Variants in MACROD2 observed in about 807,000 individuals in gnomAD.
MACROD2 encodes the protein ADP-ribose glycohydrolase MACROD2.
In MACROD2, 36 loss-of-function variants were observed where a neutral mutation model predicts 70.4. The ratio of observed to expected loss-of-function variants is 0.51; its 90% confidence interval spans 0.39 to 0.68. The LOEUF (loss-of-function observed/expected upper bound fraction) is 0.68. MACROD2 is among the 30% of genes least tolerant of loss of function. The probability of loss-of-function intolerance (pLI) is 0.00; values close to 1 mark genes in which losing one functional copy is unlikely to be tolerated. For synonymous variants in MACROD2, 172 were observed against 178.8 expected (o/e 0.96, Z 0.30); for missense variants, 496 against 538.4 (o/e 0.92, Z 0.78).
intron 15 of MACROD2, among the ~76,000 whole-genome samples, chr20:16,036,911 A>G (rs1001732491): frequency 1.3e-5 from 2 of 152,042 alleles, no homozygotes; most frequent in Non-Finnish European, 2.9e-5. Context: ...TGCACTCATG[A>G]TATTAAATTA....
chr20:14,734,093 C>G (rs551149720), intron 5 of MACROD2, among the ~76,000 whole-genome samples: 5 of 152,100 alleles, frequency 3.3e-5, no homozygotes, highest in Non-Finnish European at 7.4e-5. Context: ...TTCTCCCATT[C>G]TGACACATCT....
At chr20:14,431,492 T>G (rs2083994427) in intron 3 of MACROD2, among the ~76,000 whole-genome samples, 1 of 152,188 alleles carries the variant, frequency 6.6e-6, no homozygotes, top group African/African-American at 2.4e-5. Context: ...TTTTATGACT[T>G]TTAAATCATT....
intron 5 of MACROD2, among the ~76,000 whole-genome samples, chr20:14,964,087 T>G (rs577961146): frequency 2.5e-4 from 38 of 152,224 alleles, no homozygotes; most frequent in African/African-American, 9.1e-4. Flanking sequence ...TGATTTTTTT[T>G]CTTCTCTGTA....
chr20:15,384,799 T>G (rs2045690793), intron 6 of MACROD2, among the ~76,000 whole-genome samples: 1 of 152,198 alleles, frequency 6.6e-6, no homozygotes, highest in African/African-American at 2.4e-5. Flanking sequence ...TTGCTAACAG[T>G]AAAATAAACT....
chr20:15,202,196 A>C (rs1046966184), intron 5 of MACROD2, among the ~76,000 whole-genome samples: 2 of 152,218 alleles, frequency 1.3e-5, no homozygotes, highest in Non-Finnish European at 2.9e-5. Context: ...AGCTACATGG[A>C]GAAATCTTGT....
At chr20:14,202,710 A>G (rs2081489425) in intron 3 of MACROD2, among the ~76,000 whole-genome samples, 1 of 152,214 alleles carries the variant, frequency 6.6e-6, no homozygotes, top group South Asian at 2.1e-4. Flanking sequence ...ATGGATTCTT[A>G]GTTCTTGAGG....
Position 16,049,951 on chromosome 20 carries a change from G to A in MACROD2, c.*75G>A. 1.2e-6 allele frequency: 1 copy of A among 849,358 alleles called. No homozygotes were observed. 52.6% of individuals were successfully genotyped at this position (849,358 alleles called of 1,614,324 possible). On this transcript the variant is annotated 3_prime_UTR_variant, in exon 18 of 18. Coordinates refer to ENST00000684519, the MANE Select transcript of MACROD2 (RefSeq NM_001351661.2). The stretch of plus-strand genomic sequence containing the variant: ...GATAGCAGCACACGCTGTGGAGGAG[G>A]GTGGGGGTGGGGGGAAGGCAAGTCC...
Position 15,559,955 on chromosome 20 carries a change from G to A in MACROD2, c.645+60108G>A, listed in dbSNP as rs552215109. On this transcript the variant is annotated intron_variant, in intron 8 of 17. Coordinates refer to ENST00000684519, the MANE Select transcript of MACROD2 (RefSeq NM_001351661.2). ...TTGCACATATTTTTAATTCATCCAT[G>A]GTTTGGAAGTTAGAGAGTTATGATG... Among the ~76,000 whole-genome samples, 8 of 152,216 alleles carry A rather than the reference G, an allele frequency of 5.3e-5. No individual in the cohort carries two copies. The South Asian group carries it at 1.7e-3, about 32-fold the overall frequency.
intron 6 of MACROD2, among the ~76,000 whole-genome samples, chr20:15,260,920 T>A (rs1462329346): frequency 6.6e-6 from 1 of 152,094 alleles, no homozygotes; most frequent in Non-Finnish European, 1.5e-5. Flanking sequence ...ATTTAAAATC[T>A]CTTTACTAAT....
intron 6 of MACROD2, among the ~76,000 whole-genome samples, chr20:15,263,639 A>G (rs1601319846): frequency 6.6e-6 from 1 of 152,168 alleles, no homozygotes; most frequent in Non-Finnish European, 1.5e-5. Flanking sequence ...TATTTTAACA[A>G]TATTGATTCT....
At chr20:14,900,882 A>T (rs542320547) in intron 5 of MACROD2, among the ~76,000 whole-genome samples, 3 of 151,272 alleles carry the variant, frequency 2.0e-5, no homozygotes, top group African/African-American at 7.3e-5. Context: ...TTTCTTTCAG[A>T]TTTTCTTTGT....
intron 7 of MACROD2, among the ~76,000 whole-genome samples, chr20:15,445,960 G>C (rs1014911689): frequency 3.3e-5 from 5 of 152,270 alleles, no homozygotes; most frequent in Non-Finnish European, 5.9e-5. Flanking sequence ...TTGAACTGTA[G>C]TTCCAAGCTT....
intron 5 of MACROD2, among the ~76,000 whole-genome samples, chr20:14,742,056 A>C (rs2071739512): frequency 6.6e-6 from 1 of 152,180 alleles, no homozygotes; most frequent in Non-Finnish European, 1.5e-5. Flanking sequence ...TCATTAGCCC[A>C]CTATTAAGTC....
intron 4 of MACROD2, among the ~76,000 whole-genome samples, chr20:14,663,036 T>C (rs555969085): frequency 3.3e-5 from 5 of 152,298 alleles, no homozygotes; most frequent in South Asian, 2.1e-4. Flanking sequence ...TGCACACATA[T>C]GTTCATTACA....
chr20:14,750,329 C>T (rs6034029), intron 5 of MACROD2, among the ~76,000 whole-genome samples: 6,993 of 152,132 alleles, frequency 0.046, 579 homozygotes, highest in African/African-American at 0.16. Flanking sequence ...TGATGTTTCT[C>T]TGAATATTGT....
At position 15,910,392 on chromosome 20, in the gene MACROD2, ACATG is replaced by A. The variant is rs1384209268; in HGVS notation, c.776-22883_776-22880del. Reference sequence around the variant, plus strand: ...GATTGTGATGTGGCCAAGTCAGAGGACATGTGTGTGTGTGTGTGTGTGTGTGTGT... The same window carrying A: ...GATTGTGATGTGGCCAAGTCAGAGGATGTGTGTGTGTGTGTGTGTGTGTGT... On this transcript the variant is annotated intron_variant, in intron 10 of 17. Transcript: ENST00000684519. 2.2e-4 allele frequency among the ~76,000 whole-genome samples: 22 copies of A among 100,580 alleles called. 1 individual carries two copies. Among genetic ancestry groups the A allele is most frequent in the Non-Finnish European group, 4.0e-4 (19 of 47,968 alleles). The allele number at this position is 100,580 out of a possible 152,430, so 66.0% of individuals were successfully genotyped here.
intron 5 of MACROD2, among the ~76,000 whole-genome samples, chr20:15,106,703 G>C (rs1479172841): frequency 6.6e-6 from 1 of 152,072 alleles, no homozygotes; most frequent in East Asian, 1.9e-4. Context: ...ATGTCTTCTG[G>C]ATAGTGCTGC....
chr20:14,646,394 C>T (rs1985392558), intron 4 of MACROD2, among the ~76,000 whole-genome samples: 1 of 151,872 alleles, frequency 6.6e-6, no homozygotes, highest in African/African-American at 2.4e-5. Context: ...TGTTTTTCCC[C>T]AAACAAACAG....
chr20:15,369,094 A>G (rs2045454799), intron 6 of MACROD2, among the ~76,000 whole-genome samples: 1 of 152,216 alleles, frequency 6.6e-6, no homozygotes. Context: ...GGTATTTGAG[A>G]TAACATATTT....
Sources: allele counts gnomAD v4.1 joint callset (sites outside exome capture counted in the v4.1 genomes callset), GRCh38; gene constraint gnomAD v4.1.1; transcripts MANE v1.5; gene names NCBI Gene and HGNC (gene_info 2026-07-23, HGNC 2026-07-21).